The following AJAP1 variants were observed in gnomAD, a reference collection of about 807,000 sequenced individuals.
AJAP1 encodes adherens junction-associated protein 1.
A neutral mutation model predicts 35.0 loss-of-function variants in AJAP1; 5 were observed. The observed-to-expected ratio is 0.14, with a 90% CI of 0.07 to 0.30. AJAP1 has a LOEUF of 0.30. AJAP1 is among the 10% of genes least tolerant of loss of function. AJAP1 has a pLI of 1.00. For synonymous variants in AJAP1, 284 were observed against 249.3 expected (o/e 1.14, Z -1.31); for missense variants, 586 against 571.0 (o/e 1.03, Z -0.27).
intron 2 of AJAP1, among the ~76,000 whole-genome samples, chr1:4,732,223 A>G (rs1640816667): frequency 6.6e-6 from 1 of 152,252 alleles, no homozygotes; most frequent in African/African-American, 2.4e-5. Flanking sequence ...CTTCCCTAGA[A>G]GAGACTGAGA....
intron 1 of AJAP1, among the ~76,000 whole-genome samples, chr1:4,698,452 A>C (rs1049918755): frequency 6.6e-6 from 1 of 152,160 alleles, no homozygotes; most frequent in East Asian, 1.9e-4. Flanking sequence ...CTGTTTGAGG[A>C]CTTCTGAGGT....
At chr1:4,763,192 G>C (rs1284256537) in intron 2 of AJAP1, among the ~76,000 whole-genome samples, 3 of 152,192 alleles carry the variant, frequency 2.0e-5, no homozygotes, top group African/African-American at 7.2e-5. Flanking sequence ...CCCACCCACA[G>C]CTGTGACCAC....
rs149204139 is a variant in AJAP1, at chr1:4,778,705, C to T, written c.*60-3840C>T. 3.0e-4 allele frequency among the ~76,000 whole-genome samples: 45 copies of T among 152,098 alleles called. No individual in the cohort carries two copies. The East Asian group carries it at 7.4e-3, about 25-fold the overall frequency. ...ATGCCTGTAGTCTTGGAAGAGACTC[C>T]CTTCCCTGCATAGCCGGGGATGTCT... is the stretch of plus-strand genomic sequence containing the variant. On this transcript the variant is annotated intron_variant, in intron 5 of 5. Transcript: ENST00000378191.
chr1:4,657,675 TCCA>T (rs796652016), intron 1 of AJAP1, among the ~76,000 whole-genome samples: 28 of 121,090 alleles, frequency 2.3e-4, no homozygotes, highest in African/African-American at 8.8e-4. Context: ...CCTGGCTTGC[TCCA>T]CCATGGGAGA....
chr1:4,761,036 G>C (rs766637452), intron 2 of AJAP1, among the ~76,000 whole-genome samples: 3 of 152,198 alleles, frequency 2.0e-5, no homozygotes, highest in Non-Finnish European at 4.4e-5. Context: ...TCTTGCAAAC[G>C]TGAAGTGAGG....
At chr1:4,666,299 G>A (rs538493535) in intron 1 of AJAP1, among the ~76,000 whole-genome samples, 3 of 152,300 alleles carry the variant, frequency 2.0e-5, no homozygotes, top group South Asian at 2.1e-4. Context: ...GCCCTTAGGA[G>A]TTGGGTCTGT....
At chr1:4,707,261 A>G (rs915076231) in intron 1 of AJAP1, among the ~76,000 whole-genome samples, 2 of 152,188 alleles carry the variant, frequency 1.3e-5, no homozygotes, top group African/African-American at 2.4e-5. Flanking sequence ...ATTCTCTAGC[A>G]TGTTCCTTTT....
intron 2 of AJAP1, among the ~76,000 whole-genome samples, chr1:4,724,761 C>G (rs969349567): frequency 6.6e-6 from 1 of 151,444 alleles, no homozygotes; most frequent in Non-Finnish European, 1.5e-5. Context: ...TAAAATGCAA[C>G]TTCTGGGCTT....
intron 2 of AJAP1, among the ~76,000 whole-genome samples, chr1:4,725,364 A>T (rs963084654): frequency 6.6e-6 from 1 of 152,004 alleles, no homozygotes; most frequent in Non-Finnish European, 1.5e-5. Flanking sequence ...AGAATCCCGC[A>T]TCTTCTCGTG....
rs373262501 is a variant in AJAP1, at chr1:4,774,475, G to A, written c.1212G>A (p.Glu404=). Residue 404 remains glutamate (E), a synonymous_variant, in exon 5 of 6, where the codon GAG becomes GAA. Coordinates refer to ENST00000378191, the MANE Select transcript of AJAP1 (RefSeq NM_018836.4). ...RHLIPVAFVS[E]KWFEISC ...TTATTCCTGTGGCCTTCGTGTCTGA[G>A]AAATGGTTTGAAATCTCCTGCTGAC... 6.8e-6 allele frequency: 11 copies of A among 1,614,210 alleles called. No individual in the cohort carries two copies. Among genetic ancestry groups the A allele is most frequent in the Non-Finnish European group, 9.3e-6 (11 of 1,180,048 alleles).
chr1:4,778,934 A>G (rs886611592), intron 5 of AJAP1, among the ~76,000 whole-genome samples: 4 of 152,176 alleles, frequency 2.6e-5, no homozygotes, highest in South Asian at 2.1e-4. Context: ...CCAGGCACAG[A>G]ACTGGAACCT....
intron 2 of AJAP1, among the ~76,000 whole-genome samples, chr1:4,755,657 CAGTAAGGAATGCTTTACT>C (rs1346193591): frequency 6.7e-6 from 1 of 150,056 alleles, no homozygotes; most frequent in Non-Finnish European, 1.5e-5. Context: ...TGTTAGAGAG[CAGTAAGGAATGCTTTACT>C]TGTAAGGAAT....
At chr1:4,694,229 C>G (rs578011764) in intron 1 of AJAP1, among the ~76,000 whole-genome samples, 182 of 152,264 alleles carry the variant, frequency 1.2e-3, no homozygotes, top group African/African-American at 4.3e-3. Flanking sequence ...GGGGGGATGG[C>G]CCCTAAACGA....
chr1:4,672,034 C>T (rs61483048), intron 1 of AJAP1, among the ~76,000 whole-genome samples: 1,555 of 152,282 alleles, frequency 0.01, 37 homozygotes, highest in African/African-American at 0.036. Context: ...TGGGCGCAGT[C>T]GCGTCTGAGA....
chr1:4,712,680 G>C lies in AJAP1; in HGVS notation c.810G>C (p.Arg270Ser). 1 of 1,513,388 alleles carries C rather than the reference G, an allele frequency of 6.6e-7. No individual in the cohort carries two copies. Among genetic ancestry groups the C allele is most frequent in the South Asian group, 1.3e-5 (1 of 74,906 alleles). 93.7% of individuals were successfully genotyped at this position (1,513,388 alleles called of 1,614,324 possible). A position where few individuals can be genotyped will look rare whatever the true frequency, so the allele number is the denominator to read the frequency against. ...SNNGEVTQPP[R>S]ILGEASGLAV... is the part of the protein sequence containing the mutation. ...ACGGGGAAGTCACCCAGCCCCCAAG[G>C]ATTCTGGGGGAGGCCTCAGGTACAG... The change falls in exon 2 of 6, where the codon AGG becomes AGC. Residue 270 changes from arginine (R) to serine (S), a missense_variant. Arg to Ser is a moderately radical substitution (Grantham distance 110). Transcript: ENST00000378191.
At chr1:4,665,545 A>C (rs1639096963) in intron 1 of AJAP1, among the ~76,000 whole-genome samples, 1 of 152,120 alleles carries the variant, frequency 6.6e-6, no homozygotes, top group Admixed American at 6.5e-5. Context: ...CTCCAACAGC[A>C]TCTGTTTCTC....
intron 2 of AJAP1, among the ~76,000 whole-genome samples, chr1:4,746,722 C>G (rs1027592694): frequency 4.6e-5 from 7 of 152,248 alleles, no homozygotes; most frequent in African/African-American, 1.7e-4. Flanking sequence ...GCTCAGCAGG[C>G]AGCCTCTGGG....
rs780915813 is a variant in AJAP1 at position 4,772,360 on chromosome 1, C to T, written c.998C>T (p.Thr333Met). 6.2e-6 allele frequency: 10 copies of T among 1,614,228 alleles called. No homozygotes were observed. Among genetic ancestry groups the T allele is most frequent in the Non-Finnish European group, 8.5e-6 (10 of 1,180,050 alleles). ...CAGGAGGAGAGCTGCCAGAACCTCACGGACTTCCCCTCGGCCCGGGTGCCC... is the reference window on the plus strand; with the variant it reads ...CAGGAGGAGAGCTGCCAGAACCTCATGGACTTCCCCTCGGCCCGGGTGCCC... ...NQQEESCQNL[T>M]DFPSARVPSS... The change falls in exon 4 of 6, where the codon ACG becomes ATG. Residue 333 changes from threonine (T) to methionine (M), a missense_variant. By Grantham distance (81) the Thr-to-Met change is moderately conservative (BLOSUM62 -1). Transcript: ENST00000378191.
intron 4 of AJAP1, 44 bp downstream of exon 4, chr1:4,772,569 G>T (rs1253877688): frequency 6.9e-6 from 11 of 1,602,044 alleles, no homozygotes; most frequent in Non-Finnish European, 9.4e-6. Flanking sequence ...GAAGCTCTTG[G>T]TGCTCCTGAC....
Sources: allele counts gnomAD v4.1 joint callset (sites outside exome capture counted in the v4.1 genomes callset), GRCh38; gene constraint gnomAD v4.1.1; transcripts MANE v1.5; gene names NCBI Gene and HGNC (gene_info 2026-07-23, HGNC 2026-07-21).